The following ITGB6 variants were observed in gnomAD, a reference collection of about 807,000 sequenced individuals.
ITGB6 encodes the protein integrin beta-6.
Under a neutral mutation model 84.5 loss-of-function variants are expected in ITGB6, and 80 were observed. The ratio of observed to expected loss-of-function variants is 0.95; its 90% CI spans 0.79 to 1.14. The LOEUF is 1.14. ITGB6 is among the 50% of genes most tolerant of loss of function. The probability of loss-of-function intolerance (pLI) is 0.00; values close to 1 mark genes in which losing one functional copy is unlikely to be tolerated. For synonymous variants in ITGB6, 383 were observed against 354.9 expected (o/e 1.08, Z -0.89); for missense variants, 1,006 against 968.0 (o/e 1.04, Z -0.52).
intron 7 of ITGB6, among the ~76,000 whole-genome samples, chr2:160,166,346 A>G (rs1685000958): frequency 6.6e-6 from 1 of 152,230 alleles, no homozygotes; most frequent in African/African-American, 2.4e-5. Context: ...TAACTTCACT[A>G]AAGTCATCTT....
chr2:160,181,957 G>T (rs551224337), intron 4 of ITGB6, among the ~76,000 whole-genome samples: 1 of 152,100 alleles, frequency 6.6e-6, no homozygotes, highest in African/African-American at 2.4e-5. Context: ...TCAACAAAAA[G>T]GACGTCCACA....
chr2:160,172,147 A>G (rs1685229793), intron 6 of ITGB6, among the ~76,000 whole-genome samples: 1 of 152,262 alleles, frequency 6.6e-6, no homozygotes, highest in African/African-American at 2.4e-5. Flanking sequence ...CAACCAAGCC[A>G]TACCTGACTA....
chr2:160,191,727 T>C (rs1293229114), intron 4 of ITGB6, among the ~76,000 whole-genome samples: 1 of 152,140 alleles, frequency 6.6e-6, no homozygotes, highest in Non-Finnish European at 1.5e-5. Context: ...AAAGAAGTTG[T>C]TATTCATAGA....
At chr2:160,137,059 A>G (rs1292271901) in intron 10 of ITGB6, among the ~76,000 whole-genome samples, 1 of 85,998 alleles carries the variant, frequency 1.2e-5, no homozygotes, top group African/African-American at 4.2e-5. Flanking sequence ...AAATAAAAAA[A>G]AAAAGAAAAA....
intron 4 of ITGB6, among the ~76,000 whole-genome samples, chr2:160,191,495 C>T (rs532463137): frequency 6.6e-6 from 1 of 152,158 alleles, no homozygotes; most frequent in East Asian, 1.9e-4. Context: ...AAAAAACTTA[C>T]CAAGCAAGGA....
chr2:160,183,777 C>A (rs914327904), intron 4 of ITGB6, among the ~76,000 whole-genome samples: 4 of 152,142 alleles, frequency 2.6e-5, no homozygotes, highest in Non-Finnish European at 5.9e-5. Flanking sequence ...GAATGGAAAT[C>A]ATAACAAACA....
intron 7 of ITGB6, among the ~76,000 whole-genome samples, chr2:160,167,273 A>C (rs967748351): frequency 2.0e-5 from 3 of 152,240 alleles, no homozygotes; most frequent in Non-Finnish European, 4.4e-5. Flanking sequence ...TTCATTATCA[A>C]TAAAATGGAA....
intron 12 of ITGB6, among the ~76,000 whole-genome samples, chr2:160,113,585 C>A (rs1391929876): frequency 6.6e-6 from 1 of 152,196 alleles, no homozygotes; most frequent in Non-Finnish European, 1.5e-5. Context: ...CTAGTCTAGT[C>A]ATTGCCAAAT....
intron 4 of ITGB6, among the ~76,000 whole-genome samples, chr2:160,187,492 A>G (rs1474005931): frequency 6.6e-6 from 1 of 152,204 alleles, no homozygotes; most frequent in Non-Finnish European, 1.5e-5. Context: ...CATTGAAAAA[A>G]GCTATTATAT....
chr2:160,169,419 C>A, intron 6 of ITGB6, 112 bp from the exon 7 acceptor site: 1 of 597,488 alleles, frequency 1.7e-6, no homozygotes, highest in Non-Finnish European at 3.0e-6. Flanking sequence ...TGCTCACAGG[C>A]ATTATAGCTC....
chr2:160,197,830 G>C (rs1686402390), intron 2 of ITGB6, among the ~76,000 whole-genome samples: 1 of 152,194 alleles, frequency 6.6e-6, no homozygotes, highest in African/African-American at 2.4e-5. Flanking sequence ...ATCAGAGGTG[G>C]TGTTAACCAC....
chr2:160,160,060 G>A (rs566493750), intron 7 of ITGB6, among the ~76,000 whole-genome samples: 119 of 152,202 alleles, frequency 7.8e-4, no homozygotes, highest in African/African-American at 2.7e-3. Context: ...TATGTCCCAC[G>A]GGCCATATTT....
At chr2:160,154,790 G>A (rs371050544) in intron 7 of ITGB6, among the ~76,000 whole-genome samples, 21 of 152,300 alleles carry the variant, frequency 1.4e-4, no homozygotes, top group African/African-American at 5.1e-4. Context: ...AGAAGACGGA[G>A]AAAGTTTAAA....
chr2:160,177,957 C>T (rs1166461933), intron 4 of ITGB6, among the ~76,000 whole-genome samples: 4 of 152,134 alleles, frequency 2.6e-5, no homozygotes, highest in Non-Finnish European at 4.4e-5. Context: ...CTCACTGCAA[C>T]CTCTGCCTCT....
intron 8 of ITGB6, among the ~76,000 whole-genome samples, chr2:160,140,172 T>C (rs186887260): frequency 9.5e-4 from 145 of 152,322 alleles, no homozygotes; most frequent in African/African-American, 3.4e-3. Flanking sequence ...AAAAATAATT[T>C]GAACTAGTGC....
At chr2:160,116,120 T>C (rs1251424666) in intron 12 of ITGB6, among the ~76,000 whole-genome samples, 1 of 147,432 alleles carries the variant, frequency 6.8e-6, no homozygotes. Flanking sequence ...TTCCCCAATC[T>C]AGCAAGGCAG....
At chr2:160,155,233 C>T (rs919606628) in intron 7 of ITGB6, among the ~76,000 whole-genome samples, 10 of 152,044 alleles carry the variant, frequency 6.6e-5, no homozygotes, top group African/African-American at 2.4e-4. Flanking sequence ...GTATTTTGAC[C>T]ATGTGGCATT....
At chr2:160,101,881 T>C (rs1439893868) in intron 14 of ITGB6, 47 bp from the exon 15 acceptor site, 1 of 1,087,636 alleles carries the variant, frequency 9.2e-7, no homozygotes, top group South Asian at 1.3e-5. Flanking sequence ...TATTTTGTTT[T>C]TATACTGTTT....
chr2:160,107,818 A>G lies in ITGB6; in HGVS notation c.2129T>C (p.Met710Thr), dbSNP rs1416979649. ...AGCCAGGGAAACCCCTAACATGATC[A>G]TGGGAATGTTTGGAGGCTTCGGACA... ...KDCPKPPNIPMIMLGVSLAIL... is the reference protein window; with the variant it reads ...KDCPKPPNIPTIMLGVSLAIL... Residue 710 changes from methionine to threonine, a missense_variant, in exon 14 of 15, where the codon ATG (methionine) becomes ACG (threonine). Physicochemically the swap from Met to Thr is moderately conservative, Grantham distance 81. Coordinates refer to ENST00000283249, the MANE Select transcript of ITGB6 (RefSeq NM_000888.5). 1.6e-5 allele frequency: 26 copies of G among 1,612,548 alleles called. No homozygotes were observed. The highest frequency in any genetic ancestry group is 2.2e-5 in the Non-Finnish European group (26 of 1,178,982).
Sources: allele counts gnomAD v4.1 joint callset (sites outside exome capture counted in the v4.1 genomes callset), GRCh38; gene constraint gnomAD v4.1.1; transcripts MANE v1.5; gene names NCBI Gene and HGNC (gene_info 2026-07-23, HGNC 2026-07-21).